The following NGEF variants were observed in gnomAD, a reference collection of about 807,000 sequenced individuals.
NGEF encodes the protein neuronal guanine nucleotide exchange factor.
NGEF carries 31 observed loss-of-function variants against 80.9 expected under a neutral mutation model. The observed-to-expected ratio is 0.38, with a 90% CI of 0.29 to 0.52. The LOEUF (loss-of-function observed/expected upper bound fraction) is 0.52. Ranked by LOEUF, NGEF falls within the 20% of genes least tolerant of loss-of-function variation. The pLI is 0.84. For missense variants in NGEF, 709 were observed against 926.2 expected, an observed-to-expected ratio of 0.77 and a Z score of 3.04; for synonymous variants, 371 against 370.2, an observed-to-expected ratio of 1.00 and a Z score of -0.03.
intron 1 of NGEF, among the ~76,000 whole-genome samples, chr2:232,987,588 A>G (rs1226900350): frequency 6.6e-6 from 1 of 152,152 alleles, no homozygotes; most frequent in Non-Finnish European, 1.5e-5. Context: ...ATGGAAGCTC[A>G]TAGGGCTGTG....
intron 1 of NGEF, among the ~76,000 whole-genome samples, chr2:233,005,697 A>G (rs1695070388): frequency 6.6e-6 from 1 of 152,200 alleles, no homozygotes; most frequent in Admixed American, 6.5e-5. Flanking sequence ...GGCAGGAAAC[A>G]TCCTCTCCCA....
intron 5 of NGEF, among the ~76,000 whole-genome samples, chr2:232,907,253 G>A (rs899258863): frequency 4.0e-5 from 6 of 149,952 alleles, no homozygotes; most frequent in Admixed American, 2.7e-4. Context: ...GCTCCCCTGT[G>A]ACTGATTAAG....
chr2:233,002,263 A>T (rs1694995267), intron 1 of NGEF, among the ~76,000 whole-genome samples: 1 of 152,244 alleles, frequency 6.6e-6, no homozygotes, highest in Non-Finnish European at 1.5e-5. Flanking sequence ...CAGTTAGCAC[A>T]TCAAACCTGT....
At chr2:232,919,767 C>T (rs950303535) in intron 5 of NGEF, among the ~76,000 whole-genome samples, 1 of 152,170 alleles carries the variant, frequency 6.6e-6, no homozygotes. Flanking sequence ...AGACACGAAT[C>T]CCAGATTTCT....
At chr2:232,972,948 A>G (rs1026719774) in intron 2 of NGEF, among the ~76,000 whole-genome samples, 5 of 151,580 alleles carry the variant, frequency 3.3e-5, no homozygotes, top group African/African-American at 1.2e-4. Context: ...GTAGAGATGG[A>G]GTTTCACCAT....
intron 1 of NGEF, 184 bp downstream of exon 1, chr2:233,012,884 T>C: frequency 2.1e-6 from 1 of 471,138 alleles, no homozygotes. Context: ...GGGGCAGTGC[T>C]GAAGCCGAGA....
chr2:232,925,545 C>T (rs534676758), intron 4 of NGEF, among the ~76,000 whole-genome samples: 2 of 152,162 alleles, frequency 1.3e-5, no homozygotes, highest in Admixed American at 6.5e-5. Flanking sequence ...CCCTGCCAGC[C>T]GGCTTCGGAC....
chr2:232,930,326 C>CTTT (rs35840661), intron 3 of NGEF, among the ~76,000 whole-genome samples: 227 of 144,474 alleles, frequency 1.6e-3, no homozygotes, highest in South Asian at 8.9e-3. Flanking sequence ...CTCTCTCTCT[C>CTTT]TTTTTTTTTT....
At chr2:232,927,802 C>G (rs1409563884) in intron 3 of NGEF, 1 of 818,440 alleles carries the variant, frequency 1.2e-6, no homozygotes, top group Non-Finnish European at 1.6e-6. Flanking sequence ...GGGGATAGGC[C>G]GCGCAGGGGG....
intron 3 of NGEF, among the ~76,000 whole-genome samples, chr2:232,945,624 C>CCCCACAGCTCTGAG: frequency 6.6e-6 from 1 of 152,300 alleles, no homozygotes; most frequent in Admixed American, 6.5e-5. Context: ...AGCAGCTTCT[C>CCCCACAGCTCTGAG]CCCACAGCTC....
intron 3 of NGEF, among the ~76,000 whole-genome samples, chr2:232,945,710 G>C (rs913617351): frequency 9.9e-5 from 15 of 152,100 alleles, no homozygotes; most frequent in African/African-American, 3.6e-4. Context: ...GCAAATTTTT[G>C]TTGTTTAAAA....
chr2:232,922,446 C>T (rs1692966257), intron 4 of NGEF, among the ~76,000 whole-genome samples: 1 of 152,112 alleles, frequency 6.6e-6, no homozygotes, highest in African/African-American at 2.4e-5. Flanking sequence ...CGTGCTTTTC[C>T]AACGATGCAA....
intron 3 of NGEF, among the ~76,000 whole-genome samples, chr2:232,933,475 T>A (rs778343): frequency 1.3e-5 from 2 of 152,000 alleles, no homozygotes. Context: ...CTGGACTACT[T>A]CAAGTCCCTC....
chr2:232,926,338 ATT>A (rs3038717), intron 4 of NGEF, among the ~76,000 whole-genome samples: 39,102 of 148,822 alleles, frequency 0.26, 5,249 homozygotes, highest in Admixed American at 0.31. Context: ...GTCACTAGCG[ATT>A]TTTTTTTTTT....
intron 5 of NGEF, among the ~76,000 whole-genome samples, chr2:232,915,692 T>C (rs1395483359): frequency 2.0e-5 from 3 of 152,030 alleles, no homozygotes; most frequent in Admixed American, 1.3e-4. Context: ...TTCTGCTCTA[T>C]TTATTTATTT....
At chr2:232,951,413 C>T (rs749341745) in intron 3 of NGEF, among the ~76,000 whole-genome samples, 2 of 152,230 alleles carry the variant, frequency 1.3e-5, no homozygotes, top group Non-Finnish European at 2.9e-5. Context: ...CAAGGCACGA[C>T]AACCTTCTCT....
chr2:232,994,312 G>T (rs1315262408), intron 1 of NGEF, among the ~76,000 whole-genome samples: 3 of 150,802 alleles, frequency 2.0e-5, no homozygotes, highest in Non-Finnish European at 4.4e-5. Context: ...GGAGGTTGCA[G>T]TGAGCCGAGT....
intron 8 of NGEF, among the ~76,000 whole-genome samples, chr2:232,890,535 C>T (rs1691848406): frequency 6.6e-6 from 1 of 152,186 alleles, no homozygotes; most frequent in Non-Finnish European, 1.5e-5. Context: ...CCAAAGTCAT[C>T]TCAAACTCAG....
intron 1 of NGEF, among the ~76,000 whole-genome samples, chr2:232,996,477 C>G (rs192714086): frequency 5.3e-5 from 8 of 152,324 alleles, no homozygotes; most frequent in East Asian, 1.9e-4. Context: ...TGTTTAAGAG[C>G]TTGTTAAATA....
Sources: allele counts gnomAD v4.1 joint callset (sites outside exome capture counted in the v4.1 genomes callset), GRCh38; gene constraint gnomAD v4.1.1; transcripts MANE v1.5; gene names NCBI Gene and HGNC (gene_info 2026-07-23, HGNC 2026-07-21).